ACSL1: variants seen among roughly 807,000 people sequenced by gnomAD.
The protein encoded by ACSL1 is acyl-CoA synthetase long chain family member 1.
In ACSL1, 41 loss-of-function variants were observed where a neutral mutation model predicts 98.4. That is an observed-to-expected ratio of 0.42 (90% CI 0.32 to 0.54). ACSL1 has a LOEUF of 0.54. ACSL1 is among the 20% of genes least tolerant of loss of function. The pLI is 0.13. For synonymous variants in ACSL1, 316 were observed against 322.7 expected, an observed-to-expected ratio of 0.98 and a Z score of 0.22; for missense variants, 734 against 883.1, an observed-to-expected ratio of 0.83 and a Z score of 2.14.
chr4:184,808,547 G>A (rs950939948), intron 1 of ACSL1: 35 of 970,622 alleles, frequency 3.6e-5, no homozygotes, highest in Non-Finnish European at 4.0e-5. Context: ...TCCGTGCCCC[G>A]CCTCCTCCCC....
At chr4:184,801,793 G>A (rs1285124212) in intron 2 of ACSL1, among the ~76,000 whole-genome samples, 1 of 152,182 alleles carries the variant, frequency 6.6e-6, no homozygotes, top group African/African-American at 2.4e-5. Context: ...GTTTTAAACT[G>A]TTCTAGAGAG....
At chr4:184,814,424 A>G (rs1329463119) in intron 1 of ACSL1, among the ~76,000 whole-genome samples, 2 of 152,050 alleles carry the variant, frequency 1.3e-5, no homozygotes, top group Non-Finnish European at 2.9e-5. Flanking sequence ...CCTGGCGTCC[A>G]GGACTAAACA....
Position 184,773,938 on chromosome 4 carries a change from A to C in ACSL1, c.757-63T>G, listed in dbSNP as rs538332772. 1 of 1,584,638 alleles carries C rather than the reference A, an allele frequency of 6.3e-7. No individual in the cohort carries two copies. The highest frequency in any genetic ancestry group is 1.3e-5 in the African/African-American group (1 of 74,422). On this transcript the variant is annotated intron_variant, in intron 7 of 20. Coordinates refer to ENST00000281455, the MANE Select transcript of ACSL1 (RefSeq NM_001995.5). The surrounding 1 kb of genome is among the most constrained non-coding windows in gnomAD (Gnocchi z 4.3). Reference sequence around the variant, plus strand: ...TTTTCTAACTGTAAAGGATAAGGTCACATCGAGTCACTTAAAGCTGGCTTT... The same window carrying C: ...TTTTCTAACTGTAAAGGATAAGGTCCCATCGAGTCACTTAAAGCTGGCTTT...
chr4:184,768,949 G>C (rs1352659501), intron 11 of ACSL1, among the ~76,000 whole-genome samples: 1 of 151,978 alleles, frequency 6.6e-6, no homozygotes, highest in Non-Finnish European at 1.5e-5. Flanking sequence ...GGTGCCCATA[G>C]TCCCAGCGAC....
At chr4:184,801,122 C>A (rs920478175) in intron 2 of ACSL1, among the ~76,000 whole-genome samples, 20 of 146,730 alleles carry the variant, frequency 1.4e-4, no homozygotes, top group Non-Finnish European at 2.5e-4. Flanking sequence ...TCCCAAAGTG[C>A]AGGGATTACA....
Position 184,766,816 on chromosome 4 carries a change from T to G in ACSL1, c.1129-60A>C. ...TACTAGGATGGCCAGAGTCAAAGAG[T>G]GTGGAGAAATCAGAACCCTCACACA... is the stretch of plus-strand genomic sequence containing the variant. On this transcript the variant is annotated intron_variant, in intron 12 of 20. Coordinates refer to ENST00000281455, the MANE Select transcript of ACSL1 (RefSeq NM_001995.5). This position sits in a 1 kb window ranked among gnomAD's most constrained non-coding sequence, Gnocchi z 4.8. The G allele has an allele frequency of 2.6e-6, 4 of 1,546,274 alleles. No homozygotes were observed. Among genetic ancestry groups the G allele is most frequent in the South Asian group, 1.2e-5 (1 of 85,498 alleles).
At chr4:184,775,036 A>G (rs773087703) in intron 7 of ACSL1, among the ~76,000 whole-genome samples, 2 of 152,242 alleles carry the variant, frequency 1.3e-5, no homozygotes, top group Non-Finnish European at 2.9e-5. Context: ...CCAGTTACAT[A>G]CAATTTGGCT....
At chr4:184,813,620 C>G (rs1772338416) in intron 1 of ACSL1, 1 of 307,118 alleles carries the variant, frequency 3.3e-6, no homozygotes, top group Non-Finnish European at 6.8e-6. Context: ...GGGTATTAGG[C>G]AAGACAAGCA....
At chr4:184,812,254 A>G in intron 1 of ACSL1, 4 of 984,868 alleles carry the variant, frequency 4.1e-6, no homozygotes, top group Non-Finnish European at 4.8e-6. Context: ...TTCTTAACAC[A>G]GTCCCGAGCC....
At chr4:184,765,806 C>T (rs1365184305) in intron 14 of ACSL1, 85 bp downstream of exon 14, 23 of 1,149,606 alleles carry the variant, frequency 2.0e-5, no homozygotes, top group Non-Finnish European at 1.3e-6. Context: ...CACACACACA[C>T]ACACACAGTA....
At position 184,756,576 on chromosome 4, in the gene ACSL1, A is replaced by T. The variant is rs1169363873; in HGVS notation, c.*549T>A. 6.5e-6 allele frequency: 1 copy of T among 152,752 alleles called. No individual in the cohort carries two copies. The highest frequency in any genetic ancestry group is 6.5e-5 in the Admixed American group (1 of 15,288). The allele number at this position is 152,752 out of a possible 1,614,324, so 9.5% of individuals were successfully genotyped here. ...AACATGAGTTTCGTAACCCTTACGA[A>T]TCAGAAGGGTTCTGTGAATGCCTGT... On this transcript the variant is annotated 3_prime_UTR_variant, in exon 21 of 21. Coordinates refer to ENST00000281455, the MANE Select transcript of ACSL1 (RefSeq NM_001995.5).
Position 184,757,146 on chromosome 4 carries a change from G to A in ACSL1, c.2076C>T (p.Leu692=), listed in dbSNP as rs1360024118. The change falls in exon 21 of 21, where the codon CTC becomes CTT. Residue 692 remains leucine (L), a synonymous_variant. Transcript: ENST00000281455. This position sits in a 1 kb window ranked among gnomAD's most constrained non-coding sequence, Gnocchi z 4.5. ...RNYFRSQIDD[L]YSTIKV ...CACACTAAACCTTGATAGTGGAATAGAGGTCATCTATCTGCGACCTGAAAT... is the reference window on the plus strand; with the variant it reads ...CACACTAAACCTTGATAGTGGAATAAAGGTCATCTATCTGCGACCTGAAAT... The A allele has an allele frequency of 1.9e-6, 3 of 1,601,916 alleles. No homozygotes were observed. Among genetic ancestry groups the A allele is most frequent in the Non-Finnish European group, 2.6e-6 (3 of 1,169,962 alleles).
At chr4:184,767,815 C>A (rs920340071) in intron 12 of ACSL1, among the ~76,000 whole-genome samples, 4 of 152,190 alleles carry the variant, frequency 2.6e-5, no homozygotes, top group Non-Finnish European at 4.4e-5. Flanking sequence ...GCAATGATAC[C>A]CACCGCAGAG....
chr4:184,791,130 C>T (rs551702073), intron 2 of ACSL1, among the ~76,000 whole-genome samples: 1 of 152,228 alleles, frequency 6.6e-6, no homozygotes, highest in Non-Finnish European at 1.5e-5. Context: ...ACAAAGGTGC[C>T]TTCTATACCT....
At chr4:184,765,209 C>G (rs545362641) in intron 14 of ACSL1, among the ~76,000 whole-genome samples, 1 of 152,330 alleles carries the variant, frequency 6.6e-6, no homozygotes, top group Non-Finnish European at 1.5e-5. Context: ...GGCCAATTCA[C>G]AGGACATGTA....
intron 3 of ACSL1, among the ~76,000 whole-genome samples, chr4:184,787,065 T>C (rs1422847860): frequency 6.6e-6 from 1 of 152,224 alleles, no homozygotes; most frequent in South Asian, 2.1e-4. Context: ...ACATGGTTCC[T>C]GACCGTAAAA....
At chr4:184,820,299 G>C (rs1382122465) in intron 1 of ACSL1, among the ~76,000 whole-genome samples, 1 of 152,218 alleles carries the variant, frequency 6.6e-6, no homozygotes, top group African/African-American at 2.4e-5. Flanking sequence ...TTACAGGCGT[G>C]AGCCACTGCA....
chr4:184,788,517 A>G (rs574256452), intron 3 of ACSL1, 100 bp downstream of exon 3: 118 of 950,060 alleles, frequency 1.2e-4, no homozygotes, highest in Admixed American at 1.8e-4. Flanking sequence ...AGCGATCCTA[A>G]GGAGGCGAAA....
At chr4:184,781,505 G>A (rs910088505) in intron 4 of ACSL1, among the ~76,000 whole-genome samples, 1 of 151,820 alleles carries the variant, frequency 6.6e-6, no homozygotes, top group African/African-American at 2.4e-5. Context: ...AATTCAGCAG[G>A]GTTATCCTAT....
Sources: gnomAD v4.1 joint callset for allele counts (sites outside exome capture counted in the v4.1 genomes callset) on GRCh38, gnomAD v4.1.1 for gene constraint, Gnocchi (gnomAD v3.1) non-coding constraint, MANE v1.5 for transcripts, NCBI Gene and HGNC (gene_info 2026-07-23, HGNC 2026-07-21) for gene names.